Variants in EML6 observed in about 807,000 individuals in gnomAD.
The protein encoded by EML6 is EMAP like 6, also known as echinoderm microtubule-associated protein-like 6.
In EML6, 154 loss-of-function variants were observed where a neutral mutation model predicts 240.1. That is an observed-to-expected ratio of 0.64 (90% CI 0.56 to 0.73). The LOEUF is 0.73. EML6 is among the 30% of genes least tolerant of loss of function. The pLI, the probability that EML6 is intolerant of heterozygous loss-of-function variation, is 0.00. For synonymous variants in EML6, 1,148 were observed against 899.0 expected, an observed-to-expected ratio of 1.28 and a Z score of -4.95; for missense variants, 2,964 against 2,474.6, an observed-to-expected ratio of 1.20 and a Z score of -4.20.
intron 16 of EML6, among the ~76,000 whole-genome samples, chr2:54,877,726 G>A (rs1157240432): frequency 6.6e-6 from 1 of 152,240 alleles, no homozygotes; most frequent in African/African-American, 2.4e-5. Flanking sequence ...ATCACCTGGT[G>A]ATGATTTAGC....
chr2:54,925,144 G>T (rs561460778), intron 26 of EML6, among the ~76,000 whole-genome samples: 3 of 152,052 alleles, frequency 2.0e-5, no homozygotes, highest in Non-Finnish European at 4.4e-5. Context: ...GATAGAATCA[G>T]TGTCCTTATA....
At chr2:54,808,487 G>T (rs942807695) in intron 2 of EML6, among the ~76,000 whole-genome samples, 3 of 151,584 alleles carry the variant, frequency 2.0e-5, no homozygotes, top group African/African-American at 2.4e-5. Context: ...GAGGGAGAAG[G>T]CTTTCATGCT....
At position 54,895,324 on chromosome 2, in the gene EML6, G is replaced by A; in HGVS notation, c.2906G>A (p.Gly969Glu). ...ATTCGTGCCATCACTTTGGGACATG[G>A]ACATATCCTGGTGGGAACAAAAAAT... is the stretch of plus-strand genomic sequence containing the variant. ...PSIRAITLGH[G>E]HILVGTKNGE... is the part of the protein sequence containing the mutation. Residue 969 changes from glycine to glutamate, a missense_variant, in exon 21 of 42, where the codon GGA (glycine) becomes GAA (glutamate). Coordinates refer to ENST00000356458, the MANE Select transcript of EML6 (RefSeq NM_001039753.4). 2.6e-6 allele frequency: 4 copies of A among 1,551,870 alleles called. No individual in the cohort carries two copies. The highest frequency in any genetic ancestry group is 2.7e-5 in the African/African-American group (2 of 73,134).
chr2:54,786,187 T>TG (rs1669079169), intron 2 of EML6, among the ~76,000 whole-genome samples: 2 of 152,126 alleles, frequency 1.3e-5, no homozygotes. Context: ...GTGGCTCCTA[T>TG]GCTTATTCCC....
rs1399197357 is a variant in EML6 at position 54,724,338 on chromosome 2, G to T, written c.-513-211G>T. ...CTCGCTTATTAGGGAAACAGCAAGC[G>T]TTCCTTCAAATCGCATCAGCAACTG... On this transcript the variant is annotated intron_variant, in intron 1 of 41. Coordinates refer to ENST00000356458, the MANE Select transcript of EML6 (RefSeq NM_001039753.4). The surrounding 1 kb of genome is among the most constrained non-coding windows in gnomAD (Gnocchi z 5.2). 6.6e-6 allele frequency among the ~76,000 whole-genome samples: 1 copy of T among 152,070 alleles called. No homozygotes were observed. Among genetic ancestry groups the T allele is most frequent in the African/African-American group, 2.4e-5 (1 of 41,412 alleles).
Position 54,844,186 on chromosome 2 carries a change from G to C in EML6, c.987G>C (p.Trp329Cys). ...ILQGHCEGEL[W>C]ALALHPKKPL... ...AGGGCCACTGCGAGGGTGAGCTCTG[G>C]GCTCTGGCCCTGCACCCCAAGAAGC... Residue 329 changes from tryptophan (W) to cysteine (C), a missense_variant, in exon 8 of 42, where the codon TGG becomes TGC. Transcript: ENST00000356458. 1 of 1,551,692 alleles carries C rather than the reference G, an allele frequency of 6.4e-7. No homozygotes were observed. The highest frequency in any genetic ancestry group is 8.7e-7 in the Non-Finnish European group (1 of 1,146,990).
intron 8 of EML6, among the ~76,000 whole-genome samples, chr2:54,845,906 T>A (rs1669725432): frequency 6.6e-6 from 1 of 152,176 alleles, no homozygotes; most frequent in South Asian, 2.1e-4. Context: ...AGACACTAGT[T>A]TGTGTTATCA....
chr2:54,941,174 A>G (rs1167881815), intron 28 of EML6, among the ~76,000 whole-genome samples: 1 of 152,220 alleles, frequency 6.6e-6, no homozygotes, highest in Non-Finnish European at 1.5e-5. Flanking sequence ...TAAGGTACAT[A>G]GTTTCAATAT....
chr2:54,932,415 C>T (rs774984891), intron 28 of EML6, among the ~76,000 whole-genome samples: 3 of 152,202 alleles, frequency 2.0e-5, no homozygotes, highest in African/African-American at 7.2e-5. Flanking sequence ...GGCTACCCCA[C>T]GCTGCCCTCC....
intron 28 of EML6, among the ~76,000 whole-genome samples, chr2:54,946,858 A>G (rs1231179893): frequency 4.0e-5 from 5 of 124,240 alleles, no homozygotes; most frequent in Admixed American, 2.4e-4. Context: ...CTGTAAACAT[A>G]TGCTTGCGAA....
chr2:54,818,844 G>T (rs548037298), intron 4 of EML6, among the ~76,000 whole-genome samples: 3 of 152,222 alleles, frequency 2.0e-5, no homozygotes, highest in African/African-American at 7.2e-5. Context: ...ACATAATTTT[G>T]CTCTTTATTA....
intron 28 of EML6, among the ~76,000 whole-genome samples, chr2:54,933,226 C>G (rs1674952998): frequency 6.6e-6 from 1 of 152,052 alleles, no homozygotes; most frequent in Non-Finnish European, 1.5e-5. Context: ...CCAGGACTAC[C>G]CTTGAACCAA....
intron 19 of EML6, among the ~76,000 whole-genome samples, 164 bp from the exon 20 acceptor site, chr2:54,894,751 A>C (rs1053181046): frequency 2.6e-5 from 4 of 152,180 alleles, no homozygotes; most frequent in Non-Finnish European, 1.5e-5. Flanking sequence ...AAATGCTCCC[A>C]AAAAATATTA....
At chr2:54,848,215 G>GA (rs1254766485) in intron 9 of EML6, among the ~76,000 whole-genome samples, 3 of 152,020 alleles carry the variant, frequency 2.0e-5, no homozygotes, top group Admixed American at 6.5e-5. Flanking sequence ...ACTTTTTACT[G>GA]AAAAAAATTA....
At position 54,778,416 on chromosome 2, in the gene EML6, C is replaced by A. The variant is rs566226285; in HGVS notation, c.198-34816C>A. On this transcript the variant is annotated intron_variant, in intron 2 of 41. Coordinates refer to ENST00000356458, the MANE Select transcript of EML6 (RefSeq NM_001039753.4). ...TGGGATGAGGAGAAAGTTGTACCCC[C>A]CTCCCAAACTGGGGCTGAACTATAA... Among the ~76,000 whole-genome samples the A allele has an allele frequency of 2.6e-5, 4 of 152,154 alleles. No homozygotes were observed. The South Asian group carries it at 6.2e-4, about 24-fold the overall frequency.
At chr2:54,852,982 G>C (rs1348766706) in intron 10 of EML6, among the ~76,000 whole-genome samples, 1 of 152,186 alleles carries the variant, frequency 6.6e-6, no homozygotes, top group African/African-American at 2.4e-5. Context: ...CAACGGTCGG[G>C]ATTATTTTCC....
chr2:54,725,353 G>T lies in EML6; in HGVS notation c.197+95G>T. On this transcript the variant is annotated intron_variant, in intron 2 of 41. Coordinates refer to ENST00000356458, the MANE Select transcript of EML6 (RefSeq NM_001039753.4). This position sits in a 1 kb window ranked among gnomAD's most constrained non-coding sequence, Gnocchi z 4.3. Reference sequence around the variant, plus strand: ...CTGGGGTCGGATCCGGGAGCCCCGTGGAATAGAGGATTCTCTCTGGAGCCG... The same window carrying T: ...CTGGGGTCGGATCCGGGAGCCCCGTTGAATAGAGGATTCTCTCTGGAGCCG... 1 of 912,632 alleles carries T rather than the reference G, an allele frequency of 1.1e-6. No individual in the cohort carries two copies. The highest frequency in any genetic ancestry group is 2.6e-4 in the Middle Eastern group (1 of 3,866). 56.5% of individuals were successfully genotyped at this position (912,632 alleles called of 1,614,324 possible). A position where few individuals can be genotyped will look rare whatever the true frequency, so the allele number is the denominator to read the frequency against.
chr2:54,741,796 G>A (rs1016540550), intron 2 of EML6, among the ~76,000 whole-genome samples: 10 of 152,132 alleles, frequency 6.6e-5, no homozygotes, highest in African/African-American at 2.4e-4. Context: ...AAAAATCCTT[G>A]CATCCATAGT....
At chr2:54,838,275 C>T (rs977534040) in intron 7 of EML6, among the ~76,000 whole-genome samples, 3 of 152,172 alleles carry the variant, frequency 2.0e-5, no homozygotes, top group East Asian at 1.9e-4. Context: ...CCTGACCTAG[C>T]ACAAAACCCG....
Sources: allele counts gnomAD v4.1 joint callset (sites outside exome capture counted in the v4.1 genomes callset), GRCh38; gene constraint gnomAD v4.1.1; non-coding constraint Gnocchi (gnomAD v3.1); transcripts MANE v1.5; gene names NCBI Gene and HGNC (gene_info 2026-07-23, HGNC 2026-07-21).